PRIM2: variants seen among roughly 807,000 people sequenced by gnomAD.
PRIM2 encodes DNA primase subunit 2, also known as DNA primase large subunit.
A neutral mutation model predicts 67.3 loss-of-function variants in PRIM2; 39 were observed. The ratio of observed to expected loss-of-function variants is 0.58; its 90% CI spans 0.45 to 0.76. The LOEUF is 0.76. Among genes scored for constraint, PRIM2 ranks in the 30% least tolerant of loss-of-function variants. The pLI is 0.00. For synonymous variants in PRIM2, 143 were observed against 198.7 expected (o/e 0.72, Z 2.36); for missense variants, 398 against 598.7 (o/e 0.66, Z 3.50).
chr6:57,640,290 G>A (rs1353501654), intron 13 of PRIM2, among the ~76,000 whole-genome samples: 73 of 152,146 alleles, frequency 4.8e-4, no homozygotes, highest in African/African-American at 1.7e-3. Context: ...ATACTGAATG[G>A]GCAAAAACTG....
At chr6:57,240,122 G>A in the PRIM2 span, among the ~76,000 whole-genome samples, 1 of 81,308 alleles carries the variant, frequency 1.2e-5, no homozygotes, top group African/African-American at 5.1e-5. Context: ...TTTTTGAGAC[G>A]GAGTTTTGCT....
At chr6:57,336,729 C>A (rs1768263002) in intron 5 of PRIM2, among the ~76,000 whole-genome samples, 1 of 152,112 alleles carries the variant, frequency 6.6e-6, no homozygotes, top group African/African-American at 2.4e-5. Context: ...TGGAAAGGAA[C>A]AACTGGTACC....
chr6:57,645,685 A>G (rs2127503287), intron 13 of PRIM2, among the ~76,000 whole-genome samples: 1 of 151,922 alleles, frequency 6.6e-6, no homozygotes, highest in South Asian at 2.1e-4. Context: ...TAGATAGGGA[A>G]CTGGAGCCAA....
chr6:57,549,659 A>C (rs1285899641), intron 10 of PRIM2, among the ~76,000 whole-genome samples: 2 of 152,202 alleles, frequency 1.3e-5, no homozygotes, highest in Middle Eastern at 3.2e-3. Context: ...TTTTCTCAAT[A>C]TATTTGTAAA....
chr6:57,281,397 C>G, the PRIM2 span, among the ~76,000 whole-genome samples: 1 of 152,146 alleles, frequency 6.6e-6, no homozygotes, highest in African/African-American at 2.4e-5. Flanking sequence ...ATAGTGGGTA[C>G]TAGTTTACAT....
chr6:57,586,412 A>C (rs1167035207), intron 10 of PRIM2, among the ~76,000 whole-genome samples: 12 of 152,220 alleles, frequency 7.9e-5, no homozygotes, highest in African/African-American at 2.9e-4. Context: ...CGTATGAGAG[A>C]TGTCCAGGAA....
chr6:57,401,132 G>C (rs997475651), intron 7 of PRIM2, among the ~76,000 whole-genome samples: 1 of 152,158 alleles, frequency 6.6e-6, no homozygotes, highest in East Asian at 1.9e-4. Context: ...GACAACTCTT[G>C]TTGGAGGGCT....
intron 7 of PRIM2, among the ~76,000 whole-genome samples, chr6:57,430,625 A>G (rs1317270769): frequency 2.0e-5 from 3 of 150,902 alleles, no homozygotes; most frequent in Admixed American, 6.6e-5. Context: ...AGCTATTTTT[A>G]TATTTTTGTG....
intron 5 of PRIM2, among the ~76,000 whole-genome samples, chr6:57,334,154 A>G (rs868159327): frequency 3.3e-5 from 5 of 152,196 alleles, no homozygotes; most frequent in Non-Finnish European, 5.9e-5. Flanking sequence ...GAGTGAGATC[A>G]TGACATATTT....
At chr6:57,568,218 A>G (rs1775787002) in intron 10 of PRIM2, among the ~76,000 whole-genome samples, 1 of 152,164 alleles carries the variant, frequency 6.6e-6, no homozygotes, top group East Asian at 1.9e-4. Context: ...GCCCAGTCCA[A>G]TTTTCTAGGT....
chr6:57,519,157 G>C, intron 8 of PRIM2, among the ~76,000 whole-genome samples: 1 of 152,180 alleles, frequency 6.6e-6, no homozygotes, highest in East Asian at 1.9e-4. Context: ...AGAATATCAC[G>C]AGGCAAGTGG....
chr6:57,247,754 A>G, the PRIM2 span, among the ~76,000 whole-genome samples: 1 of 152,222 alleles, frequency 6.6e-6, no homozygotes, highest in Admixed American at 6.5e-5. Context: ...GATATGGCCT[A>G]GAAACCTTTG....
intron 10 of PRIM2, among the ~76,000 whole-genome samples, chr6:57,550,036 G>T (rs1246780797): frequency 6.6e-6 from 1 of 152,096 alleles, no homozygotes; most frequent in Admixed American, 6.5e-5. Context: ...GGTGAGCTGA[G>T]ATCTCACCAT....
the PRIM2 span, among the ~76,000 whole-genome samples, chr6:57,228,283 T>C: frequency 6.6e-6 from 1 of 152,204 alleles, no homozygotes; most frequent in African/African-American, 2.4e-5. Flanking sequence ...TTGTAGAGCT[T>C]CCATGTGCAT....
At chr6:57,367,288 A>G (rs1285991765) in intron 5 of PRIM2, among the ~76,000 whole-genome samples, 1 of 151,934 alleles carries the variant, frequency 6.6e-6, no homozygotes, top group Non-Finnish European at 1.5e-5. Context: ...TTTATTTTCT[A>G]TTTTTGTCTC....
At chr6:57,323,551 G>T (rs1032410987) in intron 3 of PRIM2, among the ~76,000 whole-genome samples, 1 of 152,078 alleles carries the variant, frequency 6.6e-6, no homozygotes, top group African/African-American at 2.4e-5. Context: ...ATCCTGAAAA[G>T]CATATTAAGA....
chr6:57,301,099 T>C, the PRIM2 span, among the ~76,000 whole-genome samples: 1 of 152,210 alleles, frequency 6.6e-6, no homozygotes, highest in East Asian at 1.9e-4. Context: ...TCTTCTTTTA[T>C]TATCCTTCCT....
At chr6:57,585,938 T>C (rs1303677425) in intron 10 of PRIM2, among the ~76,000 whole-genome samples, 1 of 152,184 alleles carries the variant, frequency 6.6e-6, no homozygotes, top group African/African-American at 2.4e-5. Context: ...TGTCTTGAGA[T>C]CATGGGTAGA....
the PRIM2 span, among the ~76,000 whole-genome samples, chr6:57,294,647 T>C: frequency 2.0e-5 from 3 of 151,504 alleles, no homozygotes; most frequent in East Asian, 5.8e-4. Context: ...AACATATGTG[T>C]ATGTATATTT....
Sources: gnomAD v4.1 joint callset for allele counts (sites outside exome capture counted in the v4.1 genomes callset) on GRCh38, gnomAD v4.1.1 for gene constraint, MANE v1.5 for transcripts, NCBI Gene and HGNC (gene_info 2026-07-23, HGNC 2026-07-21) for gene names.